The following EFCAB14 variants were observed in gnomAD, a reference collection of about 807,000 sequenced individuals.
EFCAB14 encodes the protein EF-hand calcium binding domain 14.
In EFCAB14, 43 loss-of-function variants were observed where a neutral mutation model predicts 56.5. The observed-to-expected ratio is 0.76, with a 90% CI of 0.60 to 0.98. The LOEUF is 0.98. Ranked by LOEUF, EFCAB14 falls within the 50% of genes least tolerant of loss-of-function variation. EFCAB14 has a pLI of 0.00. For synonymous variants in EFCAB14, 235 were observed against 212.9 expected, an observed-to-expected ratio of 1.10 and a Z score of -0.90; for missense variants, 538 against 580.3, an observed-to-expected ratio of 0.93 and a Z score of 0.75.
chr1:46,697,317 C>A (rs775257222), intron 3 of EFCAB14, among the ~76,000 whole-genome samples: 3 of 152,240 alleles, frequency 2.0e-5, no homozygotes, highest in East Asian at 1.9e-4. Flanking sequence ...GGAATTTAAT[C>A]AAAATAAAAT....
Position 46,684,498 on chromosome 1 carries a change from G to A in EFCAB14, c.1179C>T (p.Ala393=), listed in dbSNP as rs779637293. Reference sequence around the variant, plus strand: ...AGCCGGCTCTGCTCTCACCTTCATCGGCGGTCTCTGGAGGCCTGTTGCTCT... The same window carrying A: ...AGCCGGCTCTGCTCTCACCTTCATCAGCGGTCTCTGGAGGCCTGTTGCTCT... ...KPESNRPPET[A]DEEQVESFTS... Residue 393 remains alanine, a synonymous_variant, in exon 9 of 11, where the codon GCC becomes GCT. Coordinates refer to ENST00000371933, the MANE Select transcript of EFCAB14 (RefSeq NM_014774.3). 11 of 1,613,638 alleles carry A rather than the reference G, an allele frequency of 6.8e-6. No individual in the cohort carries two copies. Among genetic ancestry groups the A allele is most frequent in the East Asian group, 2.2e-5 (1 of 44,872 alleles).
intron 3 of EFCAB14, among the ~76,000 whole-genome samples, chr1:46,705,985 C>T (rs988759767): frequency 6.6e-6 from 1 of 151,984 alleles, no homozygotes; most frequent in Non-Finnish European, 1.5e-5. Flanking sequence ...CTGCTGCAGA[C>T]TCCTCAGTTA....
chr1:46,690,489 T>C (rs1676974089), intron 5 of EFCAB14, among the ~76,000 whole-genome samples: 1 of 152,148 alleles, frequency 6.6e-6, no homozygotes, highest in Non-Finnish European at 1.5e-5. Context: ...ACCCTGTTTT[T>C]ATAAGAAAAC....
chr1:46,697,394 T>C (rs1677091567), intron 3 of EFCAB14, among the ~76,000 whole-genome samples: 1 of 152,206 alleles, frequency 6.6e-6, no homozygotes, highest in Non-Finnish European at 1.5e-5. Flanking sequence ...GAATGGGAAC[T>C]GGGGGAACCT....
At chr1:46,708,550 T>C (rs1677265040) in intron 2 of EFCAB14, among the ~76,000 whole-genome samples, 1 of 152,234 alleles carries the variant, frequency 6.6e-6, no homozygotes, top group Non-Finnish European at 1.5e-5. Flanking sequence ...ACTCCATTAA[T>C]GCCCAAGGTG....
rs1676730022 is a variant in EFCAB14 at position 46,678,406 on chromosome 1, T to A, written c.*55A>T. On this transcript the variant is annotated 3_prime_UTR_variant, in exon 11 of 11. Transcript: ENST00000371933. ...ACTGATGGGTAAGTAAGGGTTGTTT[T>A]GTTGTTAGGTAAATAGATATTAGGC... 6.3e-7 allele frequency: 1 copy of A among 1,597,086 alleles called. No homozygotes were observed.
intron 3 of EFCAB14, among the ~76,000 whole-genome samples, chr1:46,701,632 TAAG>T (rs1174537418): frequency 6.6e-6 from 1 of 152,170 alleles, no homozygotes; most frequent in East Asian, 1.9e-4. Flanking sequence ...CACCCAAAGT[TAAG>T]AAGCAGCTGA....
At chr1:46,692,563 T>C (rs1313032124) in intron 4 of EFCAB14, among the ~76,000 whole-genome samples, 3 of 152,184 alleles carry the variant, frequency 2.0e-5, no homozygotes, top group Admixed American at 2.0e-4. Flanking sequence ...AAAATGGTTA[T>C]GCCATTTTAC....
At chr1:46,703,603 C>T (rs751237507) in intron 3 of EFCAB14, among the ~76,000 whole-genome samples, 1 of 152,144 alleles carries the variant, frequency 6.6e-6, no homozygotes, top group Non-Finnish European at 1.5e-5. Context: ...AGTCTCCCTG[C>T]ACTTTGGAAC....
intron 10 of EFCAB14, among the ~76,000 whole-genome samples, chr1:46,680,246 A>G (rs960547865): frequency 6.6e-6 from 1 of 152,240 alleles, no homozygotes; most frequent in African/African-American, 2.4e-5. Context: ...ATGTTTACAT[A>G]AAAACTTGCA....
At chr1:46,683,835 A>C (rs954022830) in intron 9 of EFCAB14, among the ~76,000 whole-genome samples, 6 of 152,252 alleles carry the variant, frequency 3.9e-5, no homozygotes, top group African/African-American at 7.2e-5. Context: ...GTGCAACCGT[A>C]AGATGATGTA....
intron 3 of EFCAB14, 78 bp from the exon 4 acceptor site, chr1:46,696,727 T>C (rs188789524): frequency 2.6e-5 from 35 of 1,347,390 alleles, no homozygotes; most frequent in Middle Eastern, 1.9e-4. Flanking sequence ...AACTCTACGG[T>C]TGGTGATGTC....
rs903593699 is a variant in EFCAB14, at chr1:46,719,048, C to G, written c.-961G>C. On this transcript the variant is annotated 5_prime_UTR_variant, in exon 1 of 11. Coordinates refer to ENST00000371933, the MANE Select transcript of EFCAB14 (RefSeq NM_014774.3). This position sits in a 1 kb window ranked among gnomAD's most constrained non-coding sequence, Gnocchi z 4.0. ...GACACGTTGTTGTTGGCGTTGGTGG[C>G]GGCGGCTGCGGCGGCGGCGGCCGCG... The G allele has an allele frequency of 3.1e-5, 5 of 158,754 alleles. No homozygotes were observed. Among genetic ancestry groups the G allele is most frequent in the Non-Finnish European group, 6.9e-5 (5 of 72,930 alleles). The allele number at this position is 158,754 out of a possible 1,614,324, so 9.8% of individuals were successfully genotyped here. A position where few individuals can be genotyped will look rare whatever the true frequency, so the allele number is the denominator to read the frequency against.
At chr1:46,707,761 G>A (rs944290055) in intron 3 of EFCAB14, 145 bp downstream of exon 3, 4 of 684,524 alleles carry the variant, frequency 5.8e-6, no homozygotes, top group Non-Finnish European at 9.0e-6. Flanking sequence ...TTAACATGCT[G>A]GGATTACAGT....
chr1:46,687,835 A>G (rs1676911072), intron 7 of EFCAB14, among the ~76,000 whole-genome samples: 2 of 152,196 alleles, frequency 1.3e-5, no homozygotes, highest in Non-Finnish European at 2.9e-5. Context: ...TGACCTCTTA[A>G]GTTGGGGAGC....
intron 3 of EFCAB14, among the ~76,000 whole-genome samples, chr1:46,702,694 C>T (rs1677176790): frequency 6.6e-6 from 1 of 151,924 alleles, no homozygotes. Flanking sequence ...TTATCATCAT[C>T]ATTGCCATCG....
intron 2 of EFCAB14, among the ~76,000 whole-genome samples, chr1:46,712,093 G>A (rs78723944): frequency 0.041 from 6,316 of 152,244 alleles, 419 homozygotes; most frequent in African/African-American, 0.14. Flanking sequence ...TTTACAGCTA[G>A]TTTTGCAAAG....
At chr1:46,703,343 C>T (rs544229517) in intron 3 of EFCAB14, among the ~76,000 whole-genome samples, 63 of 152,266 alleles carry the variant, frequency 4.1e-4, no homozygotes, top group Non-Finnish European at 8.4e-4. Flanking sequence ...CTCCTGACCT[C>T]GTGATCCACC....
intron 10 of EFCAB14, among the ~76,000 whole-genome samples, chr1:46,680,769 G>A (rs1033237177): frequency 2.0e-5 from 3 of 152,094 alleles, no homozygotes; most frequent in African/African-American, 7.2e-5. Flanking sequence ...AGAACCAGAG[G>A]AATTATCTCT....
Sources: gnomAD v4.1 joint callset for allele counts (sites outside exome capture counted in the v4.1 genomes callset) on GRCh38, gnomAD v4.1.1 for gene constraint, Gnocchi (gnomAD v3.1) non-coding constraint, MANE v1.5 for transcripts, NCBI Gene and HGNC (gene_info 2026-07-23, HGNC 2026-07-21) for gene names.